Variants in DENND2A observed in about 807,000 individuals in gnomAD.
DENND2A encodes the protein DENN domain-containing protein 2A.
In DENND2A, 53 loss-of-function variants were observed where a neutral mutation model predicts 105.3. That is an observed-to-expected ratio of 0.50 (90% confidence interval 0.40 to 0.63). DENND2A has a LOEUF of 0.63. Among genes scored for constraint, DENND2A ranks in the 30% least tolerant of loss-of-function variants. The pLI is 0.00. For synonymous variants in DENND2A, 522 were observed against 508.4 expected, an observed-to-expected ratio of 1.03 and a Z score of -0.36; for missense variants, 1,138 against 1,279.6, an observed-to-expected ratio of 0.89 and a Z score of 1.69.
In DENND2A at chr7:140,618,430, T is replaced by G. The variant is rs1160573779; in HGVS notation, c.-247-12624A>C. ...CGGAAACCCAGCTAAGAAACCCTTT[T>G]TGTTTCTCAGCTCTACAGAAATCAA... On this transcript the variant is annotated intron_variant, in intron 1 of 19. Coordinates refer to ENST00000496613, the MANE Select transcript of DENND2A (RefSeq NM_015689.5). Among the ~76,000 whole-genome samples the G allele has an allele frequency of 2.6e-5, 4 of 152,230 alleles. No homozygotes were observed. In the East Asian group the frequency reaches 7.7e-4, roughly 29 times the overall value.
At chr7:140,629,680 G>A (rs571611784) in intron 1 of DENND2A, among the ~76,000 whole-genome samples, 1 of 152,236 alleles carries the variant, frequency 6.6e-6, no homozygotes, top group South Asian at 2.1e-4. Context: ...TGAGCTAACG[G>A]TCTTTATAAA....
At chr7:140,530,449 C>T (rs1161553399) in intron 14 of DENND2A, among the ~76,000 whole-genome samples, 1 of 152,106 alleles carries the variant, frequency 6.6e-6, no homozygotes. Context: ...TCTCCTGATA[C>T]TCACTGGAGT....
chr7:140,565,925 G>A lies in DENND2A; in HGVS notation c.1779+1161C>T, dbSNP rs10245737. On this transcript the variant is annotated intron_variant, in intron 9 of 19. Coordinates refer to ENST00000496613, the MANE Select transcript of DENND2A (RefSeq NM_015689.5). ...ACCAGCATCATGACAGTTTACAGAC[G>A]CCATGGCAACATTAGGAAATTATCC... is the stretch of plus-strand genomic sequence containing the variant. Among the ~76,000 whole-genome samples, 999 of 152,230 alleles carry A rather than the reference G, an allele frequency of 6.6e-3. 16 individuals are homozygous for A. The highest frequency in any genetic ancestry group is 0.023 in the African/African-American group (944 of 41,528).
At chr7:140,634,919 G>A (rs1331555360) in intron 1 of DENND2A, among the ~76,000 whole-genome samples, 4 of 151,074 alleles carry the variant, frequency 2.6e-5, no homozygotes, top group Non-Finnish European at 5.9e-5. Context: ...CCAAGATCAC[G>A]GCACTGAACT....
intron 1 of DENND2A, among the ~76,000 whole-genome samples, chr7:140,639,289 T>C (rs991719562): frequency 6.6e-6 from 1 of 151,944 alleles, no homozygotes; most frequent in East Asian, 1.9e-4. Context: ...GGGGCTGAGG[T>C]TGCAGTGGGT....
At position 140,601,430 on chromosome 7, in the gene DENND2A, C is replaced by T. The variant is rs1427356376; in HGVS notation, c.968G>A (p.Gly323Glu). The change falls in exon 3 of 20, where the codon GGG becomes GAG. Residue 323 changes from glycine to glutamate, a missense_variant. By Grantham distance (98) the Gly-to-Glu change is moderately conservative. Around this residue, in one of 2 missense-constraint regions of DENND2A, gnomAD observed 511 missense variants for 499.9 expected, o/e 1.02. Transcript: ENST00000496613. Reference protein sequence around the residue: ...PSSVNRRLWTGRQKSSADHRK... With the variant: ...PSSVNRRLWTERQKSSADHRK... The stretch of plus-strand genomic sequence containing the variant: ...GTGGTCTGCACTGGATTTCTGTCTC[C>T]CGGTCCACAGTCTTCTGTTCACAGA... 6.2e-7 allele frequency: 1 copy of T among 1,606,918 alleles called. No individual in the cohort carries two copies. The highest frequency in any genetic ancestry group is 2.2e-5 in the East Asian group (1 of 44,820).
chr7:140,602,436 G>T lies in DENND2A; in HGVS notation c.-39C>A. 6.6e-7 allele frequency: 1 copy of T among 1,510,292 alleles called. No individual in the cohort carries two copies. The highest frequency in any genetic ancestry group is 8.8e-7 in the Non-Finnish European group (1 of 1,135,398). The allele number at this position is 1,510,292 out of a possible 1,614,324, so 93.6% of individuals were successfully genotyped here. ...GTGAGGTTGTGGAGGCCTTCCAGGG[G>T]ACTCCTTCTGAAGCCTGACTCCTGA... On this transcript the variant is annotated 5_prime_UTR_variant, in exon 3 of 20. Coordinates refer to ENST00000496613, the MANE Select transcript of DENND2A (RefSeq NM_015689.5).
At chr7:140,585,477 G>T (rs1004417424) in intron 5 of DENND2A, 112 bp downstream of exon 5, 1 of 1,452,754 alleles carries the variant, frequency 6.9e-7, no homozygotes, top group Non-Finnish European at 9.5e-7. Context: ...CCAGGAGCCC[G>T]GCAGGGCAGG....
chr7:140,543,004 C>T (rs1796734440), intron 14 of DENND2A, among the ~76,000 whole-genome samples: 1 of 152,086 alleles, frequency 6.6e-6, no homozygotes, highest in Non-Finnish European at 1.5e-5. Context: ...AGTGAGTGCC[C>T]TCCCTCGGTC....
At chr7:140,609,416 G>A (rs1799810331) in intron 1 of DENND2A, among the ~76,000 whole-genome samples, 1 of 152,192 alleles carries the variant, frequency 6.6e-6, no homozygotes, top group Non-Finnish European at 1.5e-5. Flanking sequence ...GGGAGGCTGA[G>A]GCAGAAGAAT....
intron 12 of DENND2A, among the ~76,000 whole-genome samples, chr7:140,548,682 C>T (rs530953582): frequency 2.6e-5 from 4 of 151,320 alleles, no homozygotes; most frequent in South Asian, 4.2e-4. Context: ...GGCATGATCT[C>T]GGCTCACTGC....
intron 1 of DENND2A, among the ~76,000 whole-genome samples, chr7:140,635,148 C>T (rs573637808): frequency 1.1e-4 from 16 of 151,340 alleles, no homozygotes; most frequent in South Asian, 2.1e-4. Context: ...CTATAGTCCC[C>T]GCTACTCAAG....
Position 140,527,815 on chromosome 7 carries a change from T to G in DENND2A, c.2328-320A>C, listed in dbSNP as rs924933987. 4.6e-5 allele frequency among the ~76,000 whole-genome samples: 5 copies of G among 107,822 alleles called. No homozygotes were observed. In the East Asian group the frequency reaches 9.7e-4, roughly 21 times the overall value. The allele number at this position is 107,822 out of a possible 152,430, so 70.7% of individuals were successfully genotyped here. On this transcript the variant is annotated intron_variant, in intron 14 of 19. Coordinates refer to ENST00000496613, the MANE Select transcript of DENND2A (RefSeq NM_015689.5). The surrounding 1 kb of genome is among the most constrained non-coding windows in gnomAD (Gnocchi z 4.9). ...ATCTATACTCTTGTAAGGTTTTTAT[T>G]TATTATTTATTTATTTATTTATATT...
At chr7:140,625,826 C>T (rs1800503417) in intron 1 of DENND2A, among the ~76,000 whole-genome samples, 1 of 152,090 alleles carries the variant, frequency 6.6e-6, no homozygotes. Context: ...CCTTGTGTTA[C>T]GTCTTGTATG....
At chr7:140,521,831 C>T in intron 18 of DENND2A, 24 bp downstream of exon 18, 1 of 1,611,900 alleles carries the variant, frequency 6.2e-7, no homozygotes, top group Non-Finnish European at 8.5e-7. Context: ...CTGACTCGGC[C>T]CCAACAGAGA....
chr7:140,598,038 C>T (rs1362414759), intron 3 of DENND2A, among the ~76,000 whole-genome samples: 3 of 152,042 alleles, frequency 2.0e-5, no homozygotes, highest in African/African-American at 7.2e-5. Context: ...TGCAATAAAA[C>T]CCAAGTCTAG....
chr7:140,540,126 C>T (rs1038017830), intron 14 of DENND2A, among the ~76,000 whole-genome samples: 1 of 152,206 alleles, frequency 6.6e-6, no homozygotes, highest in Non-Finnish European at 1.5e-5. Context: ...GTCTAAAAAC[C>T]CAATGACGGT....
intron 3 of DENND2A, among the ~76,000 whole-genome samples, chr7:140,596,943 C>G (rs931989759): frequency 1.3e-5 from 2 of 152,140 alleles, no homozygotes; most frequent in Admixed American, 6.5e-5. Flanking sequence ...GTTGTAGGAA[C>G]CTTATCTTTG....
At chr7:140,623,985 A>G (rs1800403851) in intron 1 of DENND2A, among the ~76,000 whole-genome samples, 1 of 152,224 alleles carries the variant, frequency 6.6e-6, no homozygotes, top group African/African-American at 2.4e-5. Flanking sequence ...AGTCCATCTC[A>G]CATCCCTATT....
Sources: gnomAD v4.1 joint callset for allele counts (sites outside exome capture counted in the v4.1 genomes callset) on GRCh38, gnomAD v4.1.1 for gene constraint, gnomAD v4.1.1 regional missense constraint, Gnocchi (gnomAD v3.1) non-coding constraint, MANE v1.5 for transcripts, NCBI Gene and HGNC (gene_info 2026-07-23, HGNC 2026-07-21) for gene names.